The following MKLN1 variants were observed in gnomAD, a reference collection of about 807,000 sequenced individuals.
MKLN1 encodes muskelin 1.
A neutral mutation model predicts 99.0 loss-of-function variants in MKLN1; 18 were observed. That is an observed-to-expected ratio of 0.18 (90% confidence interval 0.13 to 0.27). MKLN1 has a LOEUF of 0.27. Among genes scored for constraint, MKLN1 ranks in the 10% least tolerant of loss-of-function variants. The pLI is 1.00. For synonymous variants in MKLN1, 288 were observed against 293.2 expected, an observed-to-expected ratio of 0.98 and a Z score of 0.18; for missense variants, 621 against 875.9, an observed-to-expected ratio of 0.71 and a Z score of 3.67.
intron 9 of MKLN1, among the ~76,000 whole-genome samples, chr7:131,433,157 T>A (rs56868291): frequency 0.03 from 4,641 of 152,268 alleles, 213 homozygotes; most frequent in African/African-American, 0.1. Context: ...TTTAGTCATC[T>A]TTAGTCTAGA....
intron 2 of MKLN1, among the ~76,000 whole-genome samples, chr7:131,167,466 G>A (rs1796142903): frequency 6.6e-6 from 1 of 152,082 alleles, no homozygotes; most frequent in Non-Finnish European, 1.5e-5. Context: ...GAGCCTAGGA[G>A]TTCAAGACCA....
In MKLN1 at chr7:131,183,904, A is replaced by G. The variant is rs1335867095; in HGVS notation, c.-296-18953A>G. 2.0e-5 allele frequency among the ~76,000 whole-genome samples: 3 copies of G among 152,064 alleles called. No individual in the cohort carries two copies. The East Asian group carries it at 5.8e-4, about 29-fold the overall frequency. ...TGAGAACAGGAAGCTTGTGGGAACC[A>G]GTCCTGGCCCTGGTACCTTGTTGCA... On this transcript the variant is annotated intron_variant, in intron 2 of 7. Transcript: ENST00000416992.
At chr7:131,282,804 A>G (rs1474205509) in intron 3 of MKLN1, among the ~76,000 whole-genome samples, 1 of 152,200 alleles carries the variant, frequency 6.6e-6, no homozygotes, top group African/African-American at 2.4e-5. Flanking sequence ...CCAGAGTCTC[A>G]TGTCAGACCT....
At chr7:131,141,128 C>T (rs567252029) in intron 1 of MKLN1, among the ~76,000 whole-genome samples, 13 of 152,076 alleles carry the variant, frequency 8.5e-5, no homozygotes, top group African/African-American at 2.9e-4. Context: ...TGTCTTCTCT[C>T]TTTTTCTCTG....
chr7:131,190,246 G>A (rs1796514994), intron 2 of MKLN1, among the ~76,000 whole-genome samples: 1 of 152,156 alleles, frequency 6.6e-6, no homozygotes, highest in Admixed American at 6.5e-5. Flanking sequence ...GCAGGGGGAT[G>A]TCACCTCTCC....
intron 3 of MKLN1, among the ~76,000 whole-genome samples, chr7:131,312,610 T>A (rs1292518296): frequency 6.6e-6 from 1 of 152,222 alleles, no homozygotes; most frequent in Non-Finnish European, 1.5e-5. Context: ...GGTATTCTAC[T>A]TAGGACAAAG....
Position 131,198,215 on chromosome 7 carries a change from C to T in MKLN1, c.-296-4642C>T, listed in dbSNP as rs562326955. On this transcript the variant is annotated intron_variant, in intron 2 of 7. Transcript: ENST00000416992. ...CCAAGTCTATTCCTAATTCATCCTG[C>T]TTTGTTGCTCTGACACCTGTACCAC... 1.0e-3 allele frequency among the ~76,000 whole-genome samples: 159 copies of T among 152,304 alleles called. 1 individual carries two copies. The highest frequency in any genetic ancestry group is 3.8e-3 in the African/African-American group (156 of 41,576).
rs1326534799 is a variant in MKLN1, at chr7:131,187,917, C to T, written c.-296-14940C>T. On this transcript the variant is annotated intron_variant, in intron 2 of 7. Transcript: ENST00000416992. ...GTTGCAGTGAGCTGAGATTGTGCCACTGTACCCCAGCCTGGGTGACAGAGT... is the reference window on the plus strand; with the variant it reads ...GTTGCAGTGAGCTGAGATTGTGCCATTGTACCCCAGCCTGGGTGACAGAGT... Among the ~76,000 whole-genome samples the T allele has an allele frequency of 2.0e-5, 3 of 152,098 alleles. No homozygotes were observed. The East Asian group carries it at 5.8e-4, about 29-fold the overall frequency.
chr7:131,463,392 C>T (rs1321094893), intron 13 of MKLN1, 28 bp downstream of exon 13: 3 of 1,590,698 alleles, frequency 1.9e-6, no homozygotes, highest in Non-Finnish European at 2.6e-6. Flanking sequence ...CTGCTGCAAT[C>T]CCAATGTAAT....
intron 1 of MKLN1, among the ~76,000 whole-genome samples, chr7:131,137,138 C>G (rs144009853): frequency 6.6e-6 from 1 of 152,170 alleles, no homozygotes; most frequent in South Asian, 2.1e-4. Flanking sequence ...CAGGTGCGAG[C>G]CATCACACTT....
chr7:131,417,090 A>T (rs1215125127), intron 8 of MKLN1, among the ~76,000 whole-genome samples: 1 of 152,022 alleles, frequency 6.6e-6, no homozygotes, highest in African/African-American at 2.4e-5. Context: ...TATTGTAGTC[A>T]TGGAATTTTA....
At chr7:131,376,095 A>AATATATATATATATATATATATATATAT (rs60323728) in intron 2 of MKLN1, among the ~76,000 whole-genome samples, 2 of 108,060 alleles carry the variant, frequency 1.9e-5, no homozygotes, top group Non-Finnish European at 3.8e-5. Flanking sequence ...AATTCATGGA[A>AATATATATATATATATATATATATATAT]ATATATATAT....
chr7:131,360,935 T>C (rs1800010983), intron 1 of MKLN1, among the ~76,000 whole-genome samples: 1 of 152,116 alleles, frequency 6.6e-6, no homozygotes, highest in African/African-American at 2.4e-5. Flanking sequence ...AGTGTTTTTG[T>C]TTTTATTTTT....
At chr7:131,440,098 G>A (rs1010074074) in intron 10 of MKLN1, among the ~76,000 whole-genome samples, 3 of 152,162 alleles carry the variant, frequency 2.0e-5, no homozygotes, top group Non-Finnish European at 4.4e-5. Context: ...AGAAGTGTCA[G>A]GGACAGGGCA....
At chr7:131,370,676 C>T (rs567010731) in intron 1 of MKLN1, among the ~76,000 whole-genome samples, 26 of 152,190 alleles carry the variant, frequency 1.7e-4, no homozygotes, top group Admixed American at 1.4e-3. Flanking sequence ...TAGATGGCTT[C>T]AACTGACAGG....
At chr7:131,348,881 G>A (rs576348016) in intron 1 of MKLN1, among the ~76,000 whole-genome samples, 7 of 152,208 alleles carry the variant, frequency 4.6e-5, no homozygotes, top group South Asian at 4.2e-4. Context: ...TTCTACCACC[G>A]ATTAATTGGT....
intron 1 of MKLN1, among the ~76,000 whole-genome samples, chr7:131,328,943 A>C (rs1798981471): frequency 6.6e-6 from 1 of 152,182 alleles, no homozygotes. Context: ...CCAATTTTAC[A>C]TGCTAGTGGA....
chr7:131,298,666 T>C (rs1465605331), intron 3 of MKLN1, among the ~76,000 whole-genome samples: 1 of 152,228 alleles, frequency 6.6e-6, no homozygotes, highest in Non-Finnish European at 1.5e-5. Context: ...ATGTTTCTCC[T>C]AAGTGTGTTA....
chr7:131,331,332 C>A lies in MKLN1; in HGVS notation c.98+3335C>A, dbSNP rs7781683. On this transcript the variant is annotated intron_variant, in intron 1 of 17. Transcript: ENST00000352689. ...AATAACAGTCACCACTTATTGAGTA[C>A]TTTCTATTCTTCAGGCACTGTACTG... 6.7e-3 allele frequency among the ~76,000 whole-genome samples: 1,017 copies of A among 152,246 alleles called. 6 individuals are homozygous for A. Among genetic ancestry groups the A allele is most frequent in the African/African-American group, 0.023 (942 of 41,540 alleles).
Sources: gnomAD v4.1 joint callset for allele counts (sites outside exome capture counted in the v4.1 genomes callset) on GRCh38, gnomAD v4.1.1 for gene constraint, MANE v1.5 for transcripts, NCBI Gene and HGNC (gene_info 2026-07-23, HGNC 2026-07-21) for gene names.